Variants in NARS2 observed in about 807,000 individuals in gnomAD.
NARS2 encodes the protein asparaginyl-tRNA synthetase 2, mitochondrial.
Under a neutral mutation model 62.9 loss-of-function variants are expected in NARS2, and 60 were observed. The ratio of observed to expected loss-of-function variants is 0.95; its 90% CI spans 0.77 to 1.18. The LOEUF is 1.18. NARS2 is among the 50% of genes most tolerant of loss of function. NARS2 has a pLI of 0.00. For synonymous variants in NARS2, 196 were observed against 200.0 expected, an observed-to-expected ratio of 0.98 and a Z score of 0.17; for missense variants, 619 against 576.4, an observed-to-expected ratio of 1.07 and a Z score of -0.76.
At chr11:78,453,695 C>G (rs867240257) in intron 11 of NARS2, among the ~76,000 whole-genome samples, 2 of 152,170 alleles carry the variant, frequency 1.3e-5, no homozygotes, top group Admixed American at 1.3e-4. Flanking sequence ...AAAGAATGTT[C>G]CACAAACCAT....
chr11:78,551,847 G>A lies in NARS2; in HGVS notation c.594+7692C>T, dbSNP rs575106831. Among the ~76,000 whole-genome samples the A allele has an allele frequency of 1.0e-3, 151 of 150,962 alleles. 1 individual carries two copies. Among genetic ancestry groups the A allele is most frequent in the African/African-American group, 3.5e-3 (142 of 41,036 alleles). Reference sequence around the variant, plus strand: ...GCCTGGGGAACAAGAGCGAGACTTTGTCTCAAAAAAAAACAAAAAACAAAC... The same window carrying A: ...GCCTGGGGAACAAGAGCGAGACTTTATCTCAAAAAAAAACAAAAAACAAAC... On this transcript the variant is annotated intron_variant, in intron 5 of 13. Coordinates refer to ENST00000281038, the MANE Select transcript of NARS2 (RefSeq NM_024678.6).
chr11:78,506,942 A>C (rs1435517170), intron 6 of NARS2, among the ~76,000 whole-genome samples: 1 of 152,198 alleles, frequency 6.6e-6, no homozygotes, highest in African/African-American at 2.4e-5. Context: ...TTCAGCTCTT[A>C]GCACAGTAGC....
chr11:78,469,134 T>G (rs769927853), intron 10 of NARS2, 113 bp downstream of exon 10: 3 of 715,690 alleles, frequency 4.2e-6, no homozygotes, highest in Non-Finnish European at 2.4e-6. Flanking sequence ...GCAAATGCCA[T>G]ATTTTGCTAA....
rs1172904191 is a variant in NARS2 at position 78,469,238 on chromosome 11, A to G, written c.1026+9T>C. On this transcript the variant is annotated intron_variant, in intron 10 of 13. Coordinates refer to ENST00000281038, the MANE Select transcript of NARS2 (RefSeq NM_024678.6). ...ACACACACATATATACATACACACA[A>G]AATACTACCTCTGGGGTAAAGGTGA... The G allele has an allele frequency of 1.3e-6, 2 of 1,592,018 alleles. No homozygotes were observed. The highest frequency in any genetic ancestry group is 2.2e-5 in the South Asian group (2 of 90,628).
intron 1 of NARS2, among the ~76,000 whole-genome samples, chr11:78,572,497 T>A (rs942549914): frequency 6.6e-6 from 1 of 152,188 alleles, no homozygotes; most frequent in African/African-American, 2.4e-5. Context: ...GGGATGCTAT[T>A]ATAATTCTGC....
At chr11:78,549,500 A>T (rs1030954395) in intron 5 of NARS2, among the ~76,000 whole-genome samples, 1 of 152,208 alleles carries the variant, frequency 6.6e-6, no homozygotes. Flanking sequence ...AGGCAGATTG[A>T]AAGAGTCACT....
intron 9 of NARS2, among the ~76,000 whole-genome samples, chr11:78,476,072 G>A (rs1859081447): frequency 1.3e-5 from 2 of 152,194 alleles, no homozygotes; most frequent in Admixed American, 6.5e-5. Flanking sequence ...GCAAAGCATG[G>A]GGGTGGATGC....
chr11:78,551,571 C>G (rs1034776892), intron 5 of NARS2, among the ~76,000 whole-genome samples: 6 of 151,950 alleles, frequency 3.9e-5, no homozygotes, highest in Admixed American at 2.6e-4. Flanking sequence ...CTGCTCCAGG[C>G]TGGGCGCGGT....
At chr11:78,439,301 A>T (rs1282295634) in intron 13 of NARS2, among the ~76,000 whole-genome samples, 1 of 152,096 alleles carries the variant, frequency 6.6e-6, no homozygotes, top group Non-Finnish European at 1.5e-5. Flanking sequence ...GGCCTCCCAA[A>T]GTGCTGGGAT....
At chr11:78,461,089 C>G (rs1483985319) in intron 11 of NARS2, among the ~76,000 whole-genome samples, 1 of 152,128 alleles carries the variant, frequency 6.6e-6, no homozygotes, top group East Asian at 1.9e-4. Flanking sequence ...ATTTTGCTAT[C>G]TGAGAGGGGG....
At chr11:78,450,142 T>G (rs1265897549) in intron 11 of NARS2, among the ~76,000 whole-genome samples, 2 of 152,226 alleles carry the variant, frequency 1.3e-5, no homozygotes, top group African/African-American at 4.8e-5. Flanking sequence ...ACAAACTATA[T>G]GTGCACATAA....
Position 78,436,626 on chromosome 11 carries a change from G to C in NARS2, c.*44C>G, listed in dbSNP as rs774376339. The stretch of plus-strand genomic sequence containing the variant: ...TCTGCTGTATGCACAATCATGTGCA[G>C]TGTCTCTGCCATGGGGGGTGCTTTT... On this transcript the variant is annotated 3_prime_UTR_variant, in exon 14 of 14. Transcript: ENST00000281038. 11 of 1,606,796 alleles carry C rather than the reference G, an allele frequency of 6.8e-6. No homozygotes were observed. The highest frequency in any genetic ancestry group is 8.5e-6 in the Non-Finnish European group (10 of 1,174,636).
intron 7 of NARS2, among the ~76,000 whole-genome samples, chr11:78,480,762 G>A (rs1280932407): frequency 6.6e-6 from 1 of 151,368 alleles, no homozygotes; most frequent in Non-Finnish European, 1.5e-5. Context: ...GGAATAAGCA[G>A]AATTAAAGTA....
chr11:78,574,538 G>A lies in NARS2; in HGVS notation c.-50C>T. ...GGGAGCAGCCCAGACCCCACGGTTCGAACCCCGCCTGCAGCGGCCCTCCTT... is the reference window on the plus strand; with the variant it reads ...GGGAGCAGCCCAGACCCCACGGTTCAAACCCCGCCTGCAGCGGCCCTCCTT... On this transcript the variant is annotated 5_prime_UTR_variant, in exon 1 of 14. Transcript: ENST00000281038. The A allele has an allele frequency of 2.6e-6, 4 of 1,528,490 alleles. No individual in the cohort carries two copies. The highest frequency in any genetic ancestry group is 2.4e-5 in the South Asian group (2 of 84,098). 94.7% of individuals were successfully genotyped at this position (1,528,490 alleles called of 1,614,324 possible).
chr11:78,561,642 C>A (rs1379402562), intron 4 of NARS2, among the ~76,000 whole-genome samples: 1 of 152,164 alleles, frequency 6.6e-6, no homozygotes, highest in Non-Finnish European at 1.5e-5. Context: ...TTATCTTTTT[C>A]TTTCACGTGA....
At chr11:78,457,829 A>C (rs373901267) in intron 11 of NARS2, among the ~76,000 whole-genome samples, 37 of 137,060 alleles carry the variant, frequency 2.7e-4, no homozygotes, top group Admixed American at 9.3e-4. Flanking sequence ...CACACACACA[A>C]ACACACACAC....
intron 13 of NARS2, among the ~76,000 whole-genome samples, chr11:78,439,551 A>G (rs1382776641): frequency 6.6e-6 from 1 of 152,212 alleles, no homozygotes; most frequent in South Asian, 2.1e-4. Context: ...CATCCGCACA[A>G]TAACTCTGTG....
chr11:78,451,250 A>G (rs2135164189), intron 11 of NARS2, among the ~76,000 whole-genome samples: 1 of 152,314 alleles, frequency 6.6e-6, no homozygotes, highest in African/African-American at 2.4e-5. Flanking sequence ...CACTAGAACA[A>G]TTCCCTCAAA....
At chr11:78,570,668 A>G (rs998080877) in intron 2 of NARS2, among the ~76,000 whole-genome samples, 4 of 152,236 alleles carry the variant, frequency 2.6e-5, no homozygotes, top group African/African-American at 9.6e-5. Context: ...GGCGTGAGCC[A>G]CCACGCCTGA....
Sources: allele counts gnomAD v4.1 joint callset (sites outside exome capture counted in the v4.1 genomes callset), GRCh38; gene constraint gnomAD v4.1.1; transcripts MANE v1.5; gene names NCBI Gene and HGNC (gene_info 2026-07-23, HGNC 2026-07-21).